APOBEC3H: variants seen among roughly 807,000 people sequenced by gnomAD.
APOBEC3H encodes DNA dC->dU-editing enzyme APOBEC-3H.
APOBEC3H carries 8 observed loss-of-function variants against 21.2 expected under a neutral mutation model. The ratio of observed to expected loss-of-function variants is 0.38; its 90% CI spans 0.22 to 0.68. APOBEC3H has a LOEUF of 0.68. Ranked by LOEUF, APOBEC3H falls within the 30% of genes least tolerant of loss-of-function variation. The pLI is 0.52. For synonymous variants in APOBEC3H, 88 were observed against 91.0 expected (o/e 0.97, Z 0.19); for missense variants, 229 against 228.1 (o/e 1.00, Z -0.03).
intron 1 of APOBEC3H, among the ~76,000 whole-genome samples, chr22:39,098,745 T>C (rs1929138493): frequency 6.6e-6 from 1 of 152,118 alleles, no homozygotes; most frequent in Non-Finnish European, 1.5e-5. Flanking sequence ...CTGGTCTTCC[T>C]GCTTGGGAAA....
At chr22:39,102,070 C>T (rs201329937) in intron 4 of APOBEC3H, 28 bp downstream of exon 4, 30 of 1,608,488 alleles carry the variant, frequency 1.9e-5, no homozygotes, top group African/African-American at 9.3e-5. Flanking sequence ...CTGCTGCCCC[C>T]GACCTCCTCA....
At chr22:39,099,061 G>A (rs1440469088) in intron 1 of APOBEC3H, among the ~76,000 whole-genome samples, 1 of 152,156 alleles carries the variant, frequency 6.6e-6, no homozygotes. Context: ...CGGGCATGAA[G>A]GAGGGCGCTT....
chr22:39,100,359 G>A lies in APOBEC3H; in HGVS notation c.81G>A (p.Lys27=), dbSNP rs189764428. 6.2e-7 allele frequency: 1 copy of A among 1,614,140 alleles called. No individual in the cohort carries two copies. The highest frequency in any genetic ancestry group is 1.3e-5 in the African/African-American group (1 of 75,042). The change falls in exon 2 of 5, where the codon AAG becomes AAA. Residue 27 remains lysine (K), a synonymous_variant. Coordinates refer to ENST00000442487, the MANE Select transcript of APOBEC3H (RefSeq NM_181773.5). ...RRLRRPYYPR[K]ALLCYQLTPQ... is the part of the protein sequence containing the mutation. The stretch of plus-strand genomic sequence containing the variant: ...TCAGAAGGCCTTACTACCCGAGGAA[G>A]GCCCTCTTGTGTTACCAGCTGACGC...
chr22:39,098,894 C>T (rs1008023001), intron 1 of APOBEC3H, among the ~76,000 whole-genome samples: 1 of 152,098 alleles, frequency 6.6e-6, no homozygotes, highest in African/African-American at 2.4e-5. Context: ...AGGAGGTGAG[C>T]GCATGGGTCA....
intron 4 of APOBEC3H, 130 bp from the exon 5 acceptor site, chr22:39,103,559 C>T: frequency 1.1e-6 from 1 of 928,436 alleles, no homozygotes; most frequent in African/African-American, 1.6e-5. Flanking sequence ...GTGTTTTTCT[C>T]CAGGCCTTCT....
intron 1 of APOBEC3H, among the ~76,000 whole-genome samples, chr22:39,099,156 G>T (rs1200715434): frequency 6.6e-6 from 1 of 152,134 alleles, no homozygotes; most frequent in Admixed American, 6.5e-5. Context: ...GGAGCTTGCA[G>T]TGAGCTGAGA....
intron 1 of APOBEC3H, among the ~76,000 whole-genome samples, chr22:39,097,730 G>T (rs1929084930): frequency 6.6e-6 from 1 of 152,206 alleles, no homozygotes; most frequent in Non-Finnish European, 1.5e-5. Context: ...ACAGTGCTTT[G>T]ATGAACTTTG....
intron 1 of APOBEC3H, among the ~76,000 whole-genome samples, chr22:39,097,664 T>C (rs774839780): frequency 6.6e-6 from 1 of 152,236 alleles, no homozygotes; most frequent in Non-Finnish European, 1.5e-5. Flanking sequence ...ATTCCTGGGC[T>C]CTGGAACTGG....
chr22:39,099,117 C>T (rs1033512568), intron 1 of APOBEC3H, among the ~76,000 whole-genome samples: 9 of 152,076 alleles, frequency 5.9e-5, no homozygotes, highest in South Asian at 2.1e-4. Flanking sequence ...ATTGCTTGAA[C>T]CCGGGAGAAT....
At chr22:39,102,155 CT>C in intron 4 of APOBEC3H, 113 bp downstream of exon 4, 3 of 1,428,896 alleles carry the variant, frequency 2.1e-6, no homozygotes, top group Non-Finnish European at 2.8e-6. Flanking sequence ...CTTTTCTTTT[CT>C]TTTCTTTTTT....
At position 39,102,011 on chromosome 22, in the gene APOBEC3H, G is replaced by A; in HGVS notation, c.512G>A (p.Arg171Gln). Residue 171 changes from arginine (R) to glutamine (Q), a missense_variant, in exon 4 of 5, where the codon CGA (arginine) becomes CAA (glutamine). Transcript: ENST00000442487. ...TTAGAGGAGCTAGATAAAAACAGTCGAGCCATAAAGCGACGGCTTGAGAGG... is the reference window on the plus strand; with the variant it reads ...TTAGAGGAGCTAGATAAAAACAGTCAAGCCATAAAGCGACGGCTTGAGAGG... ...KMLEELDKNSRAIKRRLERIK... is the reference protein window; with the variant it reads ...KMLEELDKNSQAIKRRLERIK... 6.2e-7 allele frequency: 1 copy of A among 1,613,766 alleles called. No individual in the cohort carries two copies. Among genetic ancestry groups the A allele is most frequent in the Non-Finnish European group, 8.5e-7 (1 of 1,179,900 alleles).
In APOBEC3H at chr22:39,103,868, C is replaced by T. The variant is rs6001435; in HGVS notation, c.*171C>T. ...CCACAGTGCCAGTTCCTTGCCCCAACCTGGCCCCATCCAAGTACAGAAGAC... is the reference window on the plus strand; with the variant it reads ...CCACAGTGCCAGTTCCTTGCCCCAATCTGGCCCCATCCAAGTACAGAAGAC... On this transcript the variant is annotated 3_prime_UTR_variant, in exon 5 of 5. Transcript: ENST00000442487. 1 of 805,460 alleles carries T rather than the reference C, an allele frequency of 1.2e-6. No homozygotes were observed. Among genetic ancestry groups the T allele is most frequent in the Non-Finnish European group, 2.2e-6 (1 of 464,648 alleles). 49.9% of individuals were successfully genotyped at this position (805,460 alleles called of 1,614,324 possible). A position where few individuals can be genotyped will look rare whatever the true frequency, so the allele number is the denominator to read the frequency against.
rs1929510587 is a variant in APOBEC3H at position 39,103,967 on chromosome 22, A to C, written c.*270A>C. On this transcript the variant is annotated 3_prime_UTR_variant, in exon 5 of 5. Transcript: ENST00000442487. ...TAATTTTATAATTGAAAAAATAAAG[A>C]TAAAGTCTGTAAATCCAGCCGGGTA... is the stretch of plus-strand genomic sequence containing the variant. 2 of 543,764 alleles carry C rather than the reference A, an allele frequency of 3.7e-6. No homozygotes were observed. The highest frequency in any genetic ancestry group is 6.5e-6 in the Non-Finnish European group (2 of 305,782). 33.7% of individuals were successfully genotyped at this position (543,764 alleles called of 1,614,324 possible).
Position 39,100,401 on chromosome 22 carries a change from G to A in APOBEC3H, c.123G>A (p.Thr41=), listed in dbSNP as rs747383920. 9.9e-6 allele frequency: 16 copies of A among 1,613,856 alleles called. No homozygotes were observed. The highest frequency in any genetic ancestry group is 3.3e-4 in the Middle Eastern group (2 of 6,000). ...CYQLTPQNGS[T]PTRGYFENKK... ...AGCTGACGCCGCAGAATGGCTCCAC[G>A]CCCACGAGAGGCTACTTTGAAAACA... The change falls in exon 2 of 5, where the codon ACG becomes ACA. Residue 41 remains threonine (T), a synonymous_variant. Transcript: ENST00000442487.
intron 4 of APOBEC3H, chr22:39,102,428 G>A (rs1929420602): frequency 1.4e-6 from 1 of 712,760 alleles, no homozygotes; most frequent in Non-Finnish European, 2.6e-6. Context: ...GGGATTACAG[G>A]TGTGAGCCAC....
intron 4 of APOBEC3H, chr22:39,102,522 T>C: frequency 1.4e-6 from 1 of 718,410 alleles, no homozygotes; most frequent in South Asian, 1.5e-5. Context: ...ATTCCAGGGG[T>C]ACGTGCGCAG....
Position 39,101,503 on chromosome 22 carries a change from A to G in APOBEC3H, c.417A>G (p.Pro139=), listed in dbSNP as rs760768855. ...SQVPVEVMGF[P]EFADCWENFV... The stretch of plus-strand genomic sequence containing the variant: ...TCCCGGTGGAGGTCATGGGCTTCCC[A>G]GGTAGGAAAGAGGCTTTGCAGTTAT... Residue 139 remains proline (P), a splice_region_variant and synonymous_variant, in exon 3 of 5, where the codon CCA becomes CCG. Transcript: ENST00000442487. The G allele has an allele frequency of 6.6e-7, 1 of 1,504,834 alleles. No individual in the cohort carries two copies. Among genetic ancestry groups the G allele is most frequent in the Non-Finnish European group, 9.0e-7 (1 of 1,114,208 alleles). 93.2% of individuals were successfully genotyped at this position (1,504,834 alleles called of 1,614,324 possible). A position where few individuals can be genotyped will look rare whatever the true frequency, so the allele number is the denominator to read the frequency against.
rs1325257419 is a variant in APOBEC3H, at chr22:39,101,577, G to C, written c.418+73G>C. The C allele has an allele frequency of 1.6e-5, 17 of 1,093,314 alleles. 1 individual carries two copies. In the South Asian group the frequency reaches 2.7e-4, roughly 17 times the overall value. The allele number at this position is 1,093,314 out of a possible 1,614,324, so 67.7% of individuals were successfully genotyped here. On this transcript the variant is annotated intron_variant, in intron 3 of 4. Coordinates refer to ENST00000442487, the MANE Select transcript of APOBEC3H (RefSeq NM_181773.5). ...CAGGCTTGGCAGGGGCTGGGGGTTG[G>C]GGGTTGGGGGTTGGAGGAGGTTGGC...
chr22:39,103,563 G>C, intron 4 of APOBEC3H, 126 bp from the exon 5 acceptor site: 1 of 954,122 alleles, frequency 1.0e-6, no homozygotes, highest in Non-Finnish European at 1.7e-6. Context: ...TTTTCTCCAG[G>C]CCTTCTGGGC....
Sources: allele counts gnomAD v4.1 joint callset (sites outside exome capture counted in the v4.1 genomes callset), GRCh38; gene constraint gnomAD v4.1.1; transcripts MANE v1.5; gene names NCBI Gene and HGNC (gene_info 2026-07-23, HGNC 2026-07-21).